DIDO1: variants seen among roughly 807,000 people sequenced by gnomAD.
DIDO1 encodes the protein death inducer-obliterator 1.
DIDO1 carries 16 observed loss-of-function variants against 99.4 expected under a neutral mutation model. That is an observed-to-expected ratio of 0.16 (90% CI 0.11 to 0.24). The LOEUF is 0.24. Ranked by LOEUF, DIDO1 falls within the 10% of genes least tolerant of loss-of-function variation. The pLI is 1.00. For missense variants in DIDO1, 2,996 were observed against 3,014.0 expected, an observed-to-expected ratio of 0.99 and a Z score of 0.14; for synonymous variants, 1,366 against 1,239.1, an observed-to-expected ratio of 1.10 and a Z score of -2.15.
intron 1 of DIDO1, among the ~76,000 whole-genome samples, chr20:62,916,154 C>T (rs1398779335): frequency 1.3e-5 from 2 of 152,190 alleles, no homozygotes; most frequent in African/African-American, 4.8e-5. Flanking sequence ...ACACACTACA[C>T]AGCCCATCAC....
At position 62,896,636 on chromosome 20, in the gene DIDO1, G is replaced by A. The variant is rs201619141; in HGVS notation, c.1949C>T (p.Ser650Leu). 3.7e-4 allele frequency: 604 copies of A among 1,613,910 alleles called. 4 individuals are homozygous for A. Among genetic ancestry groups the A allele is most frequent in the Non-Finnish European group, 9.3e-5 (110 of 1,179,816 alleles). ...AGCCCCAAGGCGTCCTGGGGCTGGC[G>A]AGGCCATTGGAACAGAAGGTACCAC... ...KPVVPSVPMA[S>L]PAPGRLGAMS... The change falls in exon 7 of 16, where the codon TCG (serine) becomes TTG (leucine). Residue 650 changes from serine (S) to leucine (L), a missense_variant. Transcript: ENST00000395343. This position sits in a 1 kb window ranked among gnomAD's most constrained non-coding sequence, Gnocchi z 4.4.
intron 6 of DIDO1, among the ~76,000 whole-genome samples, chr20:62,902,216 T>C (rs2064699018): frequency 6.6e-6 from 1 of 152,236 alleles, no homozygotes; most frequent in African/African-American, 2.4e-5. Flanking sequence ...CTTTCCCTGA[T>C]GTAATTTTCT....
chr20:62,898,425 T>C (rs1256393792), intron 6 of DIDO1, among the ~76,000 whole-genome samples: 3 of 152,214 alleles, frequency 2.0e-5, no homozygotes, highest in Non-Finnish European at 4.4e-5. Context: ...GCAACAGTAC[T>C]ACATGGATCC....
chr20:62,886,049 G>C (rs559262727), intron 15 of DIDO1, among the ~76,000 whole-genome samples: 21 of 152,366 alleles, frequency 1.4e-4, no homozygotes, highest in Admixed American at 3.3e-4. Flanking sequence ...AAGGTGCAGA[G>C]ACTGAGGCCT....
chr20:62,895,384 G>A (rs766844592), intron 8 of DIDO1, among the ~76,000 whole-genome samples: 1 of 152,154 alleles, frequency 6.6e-6, no homozygotes, highest in Non-Finnish European at 1.5e-5. Context: ...CCTGCTGTGA[G>A]CAAATGGGAG....
chr20:62,926,571 C>CG (rs1372877409), upstream of DIDO1: 2 of 152,098 alleles, frequency 1.3e-5, no homozygotes, highest in Admixed American at 6.5e-5. Flanking sequence ...CGAGACGCTG[C>CG]GGGGCTAGAG....
At chr20:62,933,192 C>G (rs1463295093) in intron 1 of DIDO1, among the ~76,000 whole-genome samples, 1 of 151,876 alleles carries the variant, frequency 6.6e-6, no homozygotes, top group Admixed American at 6.6e-5. Context: ...GCCTGGGCAA[C>G]AAGAGTGAAA....
intron 6 of DIDO1, among the ~76,000 whole-genome samples, chr20:62,900,651 G>T (rs112307037): frequency 0.011 from 1,740 of 152,316 alleles, 32 homozygotes; most frequent in African/African-American, 0.04. Flanking sequence ...TCCCCACAGG[G>T]AAAGGAACTG....
Position 62,881,818 on chromosome 20 carries a change from C to T in DIDO1, c.4138G>A (p.Glu1380Lys). 1 of 1,613,536 alleles carries T rather than the reference C, an allele frequency of 6.2e-7. No homozygotes were observed. Among genetic ancestry groups the T allele is most frequent in the Non-Finnish European group, 8.5e-7 (1 of 1,180,018 alleles). The stretch of plus-strand genomic sequence containing the variant: ...TCAGGGTCGTATGGCCTGTCGTCCT[C>T]CTCTTCCTCTAGAGCCTTATCTTTT... ...FSKDKALEEE[E>K]DDRPYDPEEE... Residue 1380 changes from glutamate to lysine, a missense_variant, in exon 16 of 16, where the codon GAG (glutamate) becomes AAG (lysine). Around this residue, in one of 5 missense-constraint regions of DIDO1, gnomAD observed 1,562 missense variants for 1,412.6 expected, o/e 1.11. Coordinates refer to ENST00000395343, the MANE Select transcript of DIDO1 (RefSeq NM_001193369.2). The surrounding 1 kb of genome is among the most constrained non-coding windows in gnomAD (Gnocchi z 8.3).
At chr20:62,929,141 G>A (rs1297728094), upstream of DIDO1, 1 of 152,262 alleles carries the variant, frequency 6.6e-6, no homozygotes, top group Non-Finnish European at 1.5e-5. Flanking sequence ...AGGAGCACCA[G>A]CGCTTCCTGA....
In DIDO1 at chr20:62,881,891, C is replaced by G. The variant is rs767964314; in HGVS notation, c.4065G>C (p.Pro1355=). The change falls in exon 16 of 16, where the codon CCG becomes CCC. Residue 1355 remains proline, a synonymous_variant. Coordinates refer to ENST00000395343, the MANE Select transcript of DIDO1 (RefSeq NM_001193369.2). This position sits in a 1 kb window ranked among gnomAD's most constrained non-coding sequence, Gnocchi z 8.3. ...EPKTTAEDGV[P]APPLLDPIVQ... ...CGATCGGATCTAACAACGGAGGTGC[C>G]GGCACCCCGTCCTCTGCTGTGGTTT... 1.2e-6 allele frequency: 2 copies of G among 1,613,484 alleles called. No homozygotes were observed. The highest frequency in any genetic ancestry group is 1.7e-6 in the Non-Finnish European group (2 of 1,180,040).
Position 62,880,833 on chromosome 20 carries a change from G to A in DIDO1, c.5123C>T (p.Ser1708Phe). 6.2e-7 allele frequency: 1 copy of A among 1,612,836 alleles called. No individual in the cohort carries two copies. The highest frequency in any genetic ancestry group is 8.5e-7 in the Non-Finnish European group (1 of 1,179,978). Residue 1708 changes from serine (S) to phenylalanine (F), a missense_variant, in exon 16 of 16, where the codon TCT becomes TTT. Around this residue, in one of 5 missense-constraint regions of DIDO1, gnomAD observed 1,562 missense variants for 1,412.6 expected, o/e 1.11. Transcript: ENST00000395343. Reference sequence around the variant, plus strand: ...TGCAGGGCTGCTGCTCCTTCCAGCAGAATGAAGATTTCTTGGGTCCTCATA... The same window carrying A: ...TGCAGGGCTGCTGCTCCTTCCAGCAAAATGAAGATTTCTTGGGTCCTCATA... The part of the protein sequence containing the change: ...AQYEDPRNLH[S>F]AGRSSSPAGE...
At chr20:62,923,443 G>A (rs956540458) in intron 1 of DIDO1, among the ~76,000 whole-genome samples, 1 of 152,162 alleles carries the variant, frequency 6.6e-6, no homozygotes, top group Non-Finnish European at 1.5e-5. Flanking sequence ...CAAAGTGCTG[G>A]GATTCCAGGC....
At position 62,896,609 on chromosome 20, in the gene DIDO1, A is replaced by G. The variant is rs200498797; in HGVS notation, c.1976T>C (p.Met659Thr). Residue 659 changes from methionine (M) to threonine (T), a missense_variant, in exon 7 of 16, where the codon ATG becomes ACG. Transcript: ENST00000395343. This position sits in a 1 kb window ranked among gnomAD's most constrained non-coding sequence, Gnocchi z 4.4. ...ASPAPGRLGA[M>T]SAAPSQPNSQ... Reference sequence around the variant, plus strand: ...ATTTGGCTGCGATGGTGCAGCACTCATAGCCCCAAGGCGTCCTGGGGCTGG... The same window carrying G: ...ATTTGGCTGCGATGGTGCAGCACTCGTAGCCCCAAGGCGTCCTGGGGCTGG... The G allele has an allele frequency of 2.4e-5, 38 of 1,613,098 alleles. No homozygotes were observed. Among genetic ancestry groups the G allele is most frequent in the Non-Finnish European group, 3.1e-5 (37 of 1,179,454 alleles).
rs1398223518 is a variant in DIDO1, at chr20:62,887,520, T to A, written c.3541+3440A>T. On this transcript the variant is annotated intron_variant, in intron 15 of 15. Transcript: ENST00000395343. ...AGCTACAGAGGGCGGTGTTTCCTCCTGCCCTGTACTTGGGGAGAACAGACT... is the reference window on the plus strand; with the variant it reads ...AGCTACAGAGGGCGGTGTTTCCTCCAGCCCTGTACTTGGGGAGAACAGACT... 3.0e-6 allele frequency: 3 copies of A among 985,366 alleles called. No individual in the cohort carries two copies. In the East Asian group the frequency reaches 3.4e-4, roughly 112 times the overall value. The allele number at this position is 985,366 out of a possible 1,614,324, so 61.0% of individuals were successfully genotyped here.
intron 1 of DIDO1, among the ~76,000 whole-genome samples, chr20:62,915,244 T>C (rs1216616168): frequency 1.3e-5 from 2 of 152,176 alleles, no homozygotes; most frequent in Admixed American, 6.5e-5. Context: ...GGAGGACTGC[T>C]TGAGCCCAGG....
chr20:62,934,843 G>A (rs1044745465), intron 1 of DIDO1, among the ~76,000 whole-genome samples: 10 of 152,182 alleles, frequency 6.6e-5, no homozygotes, highest in Non-Finnish European at 1.2e-4. Flanking sequence ...TTCAGGGAGC[G>A]CCTTTGAAGC....
intron 1 of DIDO1, among the ~76,000 whole-genome samples, chr20:62,936,909 T>C (rs1047737264): frequency 6.6e-6 from 1 of 152,270 alleles, no homozygotes; most frequent in Admixed American, 6.5e-5. Flanking sequence ...CATAGGGTTA[T>C]GTAGTTGCAA....
At chr20:62,888,002 C>G (rs1477187887) in intron 15 of DIDO1, 1 of 985,354 alleles carries the variant, frequency 1.0e-6, no homozygotes, top group East Asian at 1.1e-4. Flanking sequence ...GGAGATCCAG[C>G]TACTGCTGTG....
Sources: allele counts gnomAD v4.1 joint callset (sites outside exome capture counted in the v4.1 genomes callset), GRCh38; gene constraint gnomAD v4.1.1; regional missense constraint gnomAD v4.1.1; non-coding constraint Gnocchi (gnomAD v3.1); transcripts MANE v1.5; gene names NCBI Gene and HGNC (gene_info 2026-07-23, HGNC 2026-07-21).